The following MYO5B variants were observed in gnomAD, a reference collection of about 807,000 sequenced individuals.
MYO5B encodes unconventional myosin-Vb.
Under a neutral mutation model 229.3 loss-of-function variants are expected in MYO5B, and 143 were observed. The ratio of observed to expected loss-of-function variants is 0.62; its 90% CI spans 0.54 to 0.72. The LOEUF (loss-of-function observed/expected upper bound fraction) is 0.72, where lower values mean the gene tolerates loss of function less well. Among genes scored for constraint, MYO5B ranks in the 30% least tolerant of loss-of-function variants. MYO5B has a pLI of 0.00. For synonymous variants in MYO5B, 918 were observed against 885.2 expected, an observed-to-expected ratio of 1.04 and a Z score of -0.66; for missense variants, 2,321 against 2,331.0, an observed-to-expected ratio of 1.00 and a Z score of 0.09.
chr18:49,846,149 C>T (rs2024123351), intron 33 of MYO5B, among the ~76,000 whole-genome samples: 3 of 152,266 alleles, frequency 2.0e-5, no homozygotes, highest in African/African-American at 4.8e-5. Context: ...TGCAGATGAT[C>T]GCAGGGACAG....
At chr18:49,953,382 T>C (rs745962389) in intron 13 of MYO5B, 39 bp from the exon 14 acceptor site, 6 of 1,575,010 alleles carry the variant, frequency 3.8e-6, no homozygotes, top group Admixed American at 1.7e-5. Context: ...CAGTCGTTAG[T>C]GCTTCAGCAG....
At chr18:49,985,644 G>GATCCTGCCTGGTACT in intron 7 of MYO5B, among the ~76,000 whole-genome samples, 1 of 152,288 alleles carries the variant, frequency 6.6e-6, no homozygotes, top group East Asian at 1.9e-4. Context: ...CTTGTATGGT[G>GATCCTGCCTGGTACT]ATCCTGCCTG....
intron 1 of MYO5B, among the ~76,000 whole-genome samples, chr18:50,159,702 C>G (rs1176430521): frequency 6.6e-6 from 1 of 152,230 alleles, no homozygotes; most frequent in East Asian, 1.9e-4. Flanking sequence ...ACCTCCAGGC[C>G]TCTATGATGC....
Position 49,877,841 on chromosome 18 carries a change from G to C in MYO5B, c.3318C>G (p.Ser1106Arg), listed in dbSNP as rs758615129. The stretch of plus-strand genomic sequence containing the variant: ...AGGGGTAATTGGAGTCAGATTCTAA[G>C]CTACTTTGGTTTGATGGGTTCCGCC... ...GHRRNPSNQS[S>R]LESDSNYPSI... The change falls in exon 25 of 40, where the codon AGC (serine) becomes AGG (arginine). Residue 1106 changes from serine (S) to arginine (R), a missense_variant. This residue lies in a region of MYO5B where 2,113 missense variants were observed against 2,044.7 expected (regional missense o/e 1.03). Transcript: ENST00000285039. 5.0e-6 allele frequency: 8 copies of C among 1,614,184 alleles called. No individual in the cohort carries two copies. The highest frequency in any genetic ancestry group is 6.8e-6 in the Non-Finnish European group (8 of 1,180,014).
chr18:50,078,351 G>A (rs570950142), intron 1 of MYO5B, among the ~76,000 whole-genome samples: 24 of 152,146 alleles, frequency 1.6e-4, no homozygotes, highest in Non-Finnish European at 2.9e-4. Flanking sequence ...AGACAAAGGC[G>A]AGAAAGCACA....
At chr18:50,121,027 T>C (rs138221877) in intron 1 of MYO5B, among the ~76,000 whole-genome samples, 20 of 152,340 alleles carry the variant, frequency 1.3e-4, no homozygotes, top group Admixed American at 6.5e-4. Flanking sequence ...CAGATGCACC[T>C]GCTCTCCTCT....
At chr18:50,080,997 A>T (rs1347217257) in intron 1 of MYO5B, among the ~76,000 whole-genome samples, 2 of 152,320 alleles carry the variant, frequency 1.3e-5, no homozygotes, top group East Asian at 3.9e-4. Flanking sequence ...TAGGAGGTGG[A>T]ATCTAAAAAT....
At chr18:49,909,825 G>A (rs567561003) in intron 18 of MYO5B, among the ~76,000 whole-genome samples, 3 of 152,284 alleles carry the variant, frequency 2.0e-5, no homozygotes, top group Non-Finnish European at 2.9e-5. Flanking sequence ...AAAAAGCATT[G>A]CAGGCAGAGG....
chr18:49,833,285 C>T lies in MYO5B; in HGVS notation c.5394+2059G>A, dbSNP rs145087142. ...AAATTTACATTTTTAAAGGTCAGTA[C>T]AAAGCTATAAAAAGCCCAGAGCGCC... On this transcript the variant is annotated intron_variant, in intron 39 of 39. Transcript: ENST00000285039. Among the ~76,000 whole-genome samples the T allele has an allele frequency of 1.3e-4, 20 of 152,256 alleles. No individual in the cohort carries two copies. The East Asian group carries it at 3.5e-3, about 26-fold the overall frequency.
chr18:49,954,305 A>C lies in MYO5B; in HGVS notation c.1668+8T>G, dbSNP rs1209097210. On this transcript the variant is annotated splice_region_variant and intron_variant, in intron 13 of 39. Transcript: ENST00000285039. ...GGGAATACCCGAGCCAACAGAGAGG[A>C]GAGCCACCTTGTCTGCAAAGTGGAC... 1 of 1,613,838 alleles carries C rather than the reference A, an allele frequency of 6.2e-7. No homozygotes were observed. Among genetic ancestry groups the C allele is most frequent in the South Asian group, 1.1e-5 (1 of 91,070 alleles).
At chr18:49,927,359 TA>T (rs34171321) in intron 17 of MYO5B, among the ~76,000 whole-genome samples, 71 of 145,160 alleles carry the variant, frequency 4.9e-4, no homozygotes, top group Admixed American at 6.8e-4. Flanking sequence ...TTCACAGAAC[TA>T]AAAAAAAAAA....
chr18:50,068,452 C>T (rs913370226), intron 1 of MYO5B, among the ~76,000 whole-genome samples: 1 of 152,180 alleles, frequency 6.6e-6, no homozygotes, highest in African/African-American at 2.4e-5. Context: ...GGGGTCCAAG[C>T]CCCCATAGAT....
At chr18:50,124,913 C>G (rs1444297513) in intron 1 of MYO5B, among the ~76,000 whole-genome samples, 1 of 150,644 alleles carries the variant, frequency 6.6e-6, no homozygotes, top group Non-Finnish European at 1.5e-5. Flanking sequence ...TGGGAGAGGA[C>G]AGAGGCTGCA....
chr18:50,029,093 T>C (rs2026361920), intron 4 of MYO5B, among the ~76,000 whole-genome samples: 1 of 152,186 alleles, frequency 6.6e-6, no homozygotes, highest in South Asian at 2.1e-4. Context: ...TAAATAACTT[T>C]CCCCTACTCA....
At chr18:50,094,365 T>G (rs1226630111) in intron 1 of MYO5B, among the ~76,000 whole-genome samples, 1 of 152,200 alleles carries the variant, frequency 6.6e-6, no homozygotes, top group Non-Finnish European at 1.5e-5. Flanking sequence ...CAGGTGGGCT[T>G]AGAAACAGGG....
chr18:49,998,374 T>A (rs1374877655), intron 5 of MYO5B, among the ~76,000 whole-genome samples: 2 of 152,180 alleles, frequency 1.3e-5, no homozygotes, highest in African/African-American at 4.8e-5. Flanking sequence ...CTGGTTCATG[T>A]ACACACTCCT....
At chr18:49,972,578 A>G (rs1477151533) in intron 10 of MYO5B, among the ~76,000 whole-genome samples, 4 of 152,230 alleles carry the variant, frequency 2.6e-5, no homozygotes, top group African/African-American at 9.6e-5. Flanking sequence ...TCCTTCTACA[A>G]GTGGATTAAG....
intron 1 of MYO5B, among the ~76,000 whole-genome samples, chr18:50,137,840 A>C (rs997849288): frequency 1.5e-5 from 2 of 131,514 alleles, no homozygotes; most frequent in African/African-American, 2.9e-5. Flanking sequence ...AACATGGATG[A>C]AGCTGGACGC....
At position 50,000,285 on chromosome 18, in the gene MYO5B, G is replaced by A. The variant is rs546893442; in HGVS notation, c.612+970C>T. Among the ~76,000 whole-genome samples, 7 of 152,286 alleles carry A rather than the reference G, an allele frequency of 4.6e-5. 1 individual carries two copies. The South Asian group carries it at 8.3e-4, about 18-fold the overall frequency. On this transcript the variant is annotated intron_variant, in intron 5 of 39. Coordinates refer to ENST00000285039, the MANE Select transcript of MYO5B (RefSeq NM_001080467.3). ...TCAGGGCTCCGCATGGAAACCTGAT[G>A]CTATCTTGGCAGCTTGCGGCTCAAC...
Sources: allele counts gnomAD v4.1 joint callset (sites outside exome capture counted in the v4.1 genomes callset), GRCh38; gene constraint gnomAD v4.1.1; regional missense constraint gnomAD v4.1.1; transcripts MANE v1.5; gene names NCBI Gene and HGNC (gene_info 2026-07-23, HGNC 2026-07-21).